Variants in CCDC171 observed in about 807,000 individuals in gnomAD.
The protein encoded by CCDC171 is coiled-coil domain-containing protein 171.
A neutral mutation model predicts 168.2 loss-of-function variants in CCDC171; 177 were observed. The ratio of observed to expected loss-of-function variants is 1.05; its 90% CI spans 0.93 to 1.19. The LOEUF is 1.19. Ranked by LOEUF, CCDC171 falls within the 50% of genes most tolerant of loss-of-function variation. The probability of loss-of-function intolerance (pLI) is 0.00; values close to 1 mark genes in which losing one functional copy is unlikely to be tolerated. For synonymous variants in CCDC171, 687 were observed against 540.8 expected, an observed-to-expected ratio of 1.27 and a Z score of -3.75; for missense variants, 1,991 against 1,539.0, an observed-to-expected ratio of 1.29 and a Z score of -4.91.
intron 6 of CCDC171, among the ~76,000 whole-genome samples, chr9:15,617,566 C>T (rs1440360200): frequency 4.6e-5 from 7 of 151,810 alleles, no homozygotes; most frequent in African/African-American, 1.5e-4. Context: ...TTAGTAGAGA[C>T]GGGGTTTCAC....
chr9:16,052,286 T>A (rs1035407135), intron 1 of CCDC171, among the ~76,000 whole-genome samples: 9 of 152,112 alleles, frequency 5.9e-5, no homozygotes, highest in Admixed American at 1.3e-4. Context: ...CTGCTGTTTC[T>A]CCAGCACGTC....
intron 21 of CCDC171, among the ~76,000 whole-genome samples, chr9:15,840,430 C>A (rs1228609701): frequency 2.6e-5 from 4 of 152,064 alleles, no homozygotes; most frequent in African/African-American, 9.7e-5. Context: ...GTTGTCAGCT[C>A]TGGGAAGTTT....
intron 3 of CCDC171, among the ~76,000 whole-genome samples, chr9:16,005,976 C>T (rs1194637961): frequency 6.6e-6 from 1 of 152,076 alleles, no homozygotes; most frequent in African/African-American, 2.4e-5. Flanking sequence ...TCTCCTGCCT[C>T]AGCCTCCTGA....
chr9:15,582,493 T>G (rs2041207421), intron 4 of CCDC171, among the ~76,000 whole-genome samples: 1 of 152,092 alleles, frequency 6.6e-6, no homozygotes, highest in Non-Finnish European at 1.5e-5. Flanking sequence ...ATGTTTATTG[T>G]GGCACTGTTC....
chr9:15,770,146 A>G (rs972546417), intron 18 of CCDC171, among the ~76,000 whole-genome samples: 2 of 152,188 alleles, frequency 1.3e-5, no homozygotes, highest in Non-Finnish European at 2.9e-5. Context: ...AGTAAATACT[A>G]TATTTGTAAA....
chr9:15,560,551 T>A (rs879478670), intron 1 of CCDC171, among the ~76,000 whole-genome samples: 8 of 152,192 alleles, frequency 5.3e-5, no homozygotes, highest in Non-Finnish European at 7.4e-5. Flanking sequence ...CGTCACATAG[T>A]TCTCTTGCCA....
In CCDC171 at chr9:15,653,095, T is replaced by A. The variant is rs528605430; in HGVS notation, c.823-4032T>A. Among the ~76,000 whole-genome samples, 14 of 152,270 alleles carry A rather than the reference T, an allele frequency of 9.2e-5. No homozygotes were observed. In the South Asian group the frequency reaches 2.7e-3, roughly 29 times the overall value. Reference sequence around the variant, plus strand: ...TACTTTTTCTGTTTAGTCGTGAAAGTCTTAATTCATTCTAGTGGTTTTTTG... The same window carrying A: ...TACTTTTTCTGTTTAGTCGTGAAAGACTTAATTCATTCTAGTGGTTTTTTG... On this transcript the variant is annotated intron_variant, in intron 7 of 25. Transcript: ENST00000380701.
At chr9:16,055,310 A>C (rs1358015070) in intron 1 of CCDC171, among the ~76,000 whole-genome samples, 2 of 152,002 alleles carry the variant, frequency 1.3e-5, no homozygotes, top group Non-Finnish European at 2.9e-5. Flanking sequence ...GTTCAGAGAG[A>C]GTTCAGGAGG....
intron 24 of CCDC171, among the ~76,000 whole-genome samples, chr9:15,903,462 G>T (rs974074389): frequency 6.6e-6 from 1 of 152,070 alleles, no homozygotes; most frequent in African/African-American, 2.4e-5. Flanking sequence ...CAGACCTTCA[G>T]CTGAGGGTCC....
chr9:15,737,152 A>T (rs2054550476), intron 16 of CCDC171, among the ~76,000 whole-genome samples: 1 of 151,978 alleles, frequency 6.6e-6, no homozygotes, highest in Non-Finnish European at 1.5e-5. Flanking sequence ...TATCAAGATA[A>T]TTTTTACATA....
intron 7 of CCDC171, among the ~76,000 whole-genome samples, chr9:15,628,429 G>C (rs1022009869): frequency 3.9e-5 from 6 of 152,184 alleles, no homozygotes; most frequent in Non-Finnish European, 8.8e-5. Flanking sequence ...CTTATTGCTA[G>C]CACAGCAGTC....
intron 18 of CCDC171, among the ~76,000 whole-genome samples, chr9:15,759,561 G>A (rs558700738): frequency 1.9e-4 from 29 of 152,260 alleles, no homozygotes; most frequent in African/African-American, 5.5e-4. Flanking sequence ...TTAGTCTCCA[G>A]TATGGAAGAG....
intron 6 of CCDC171, among the ~76,000 whole-genome samples, chr9:15,598,376 A>G (rs943257593): frequency 6.6e-6 from 1 of 152,010 alleles, no homozygotes; most frequent in Non-Finnish European, 1.5e-5. Flanking sequence ...TTCAAAGAAC[A>G]TCTTTTTTTC....
At chr9:15,924,080 A>ATTT (rs1368381574) in intron 25 of CCDC171, among the ~76,000 whole-genome samples, 2 of 151,470 alleles carry the variant, frequency 1.3e-5, no homozygotes, top group African/African-American at 4.8e-5. Context: ...TCCTTTTAAA[A>ATTT]ACATATATTT....
rs148764174 is a variant in CCDC171 at position 15,739,613 on chromosome 9, AGC to A, written c.2050-4659_2050-4658del. ...TAGAACAATGCCTGGAATATGAATA[AGC>A]ACTATAATATTCAAACTATTCCTAT... On this transcript the variant is annotated intron_variant, in intron 16 of 25. Transcript: ENST00000380701. 1.3e-3 allele frequency among the ~76,000 whole-genome samples: 200 copies of A among 152,366 alleles called. 1 individual carries two copies. Among genetic ancestry groups the A allele is most frequent in the African/African-American group, 4.5e-3 (189 of 41,596 alleles).
At chr9:16,027,468 T>C (rs1226119016) in intron 6 of CCDC171, among the ~76,000 whole-genome samples, 1 of 152,232 alleles carries the variant, frequency 6.6e-6, no homozygotes, top group African/African-American at 2.4e-5. Flanking sequence ...CAGAATAATT[T>C]AATATTTTAT....
intron 3 of CCDC171, among the ~76,000 whole-genome samples, chr9:16,016,833 C>G (rs375327479): frequency 8.8e-4 from 134 of 152,342 alleles, no homozygotes; most frequent in African/African-American, 3.0e-3. Context: ...TAGCAAATTA[C>G]TAAGCCATCT....
intron 18 of CCDC171, among the ~76,000 whole-genome samples, chr9:15,752,464 C>A (rs908676549): frequency 6.6e-6 from 1 of 151,682 alleles, no homozygotes; most frequent in Non-Finnish European, 1.5e-5. Flanking sequence ...ATGTTTATTG[C>A]GGCACCATAG....
At chr9:15,680,213 G>C (rs539726490) in intron 10 of CCDC171, among the ~76,000 whole-genome samples, 1 of 152,166 alleles carries the variant, frequency 6.6e-6, no homozygotes, top group Non-Finnish European at 1.5e-5. Context: ...ATAAACATTT[G>C]TTCGATGGAT....
Sources: gnomAD v4.1 joint callset for allele counts (sites outside exome capture counted in the v4.1 genomes callset) on GRCh38, gnomAD v4.1.1 for gene constraint, MANE v1.5 for transcripts, NCBI Gene and HGNC (gene_info 2026-07-23, HGNC 2026-07-21) for gene names.